The following MYH15 variants were observed in gnomAD, a reference collection of about 807,000 sequenced individuals.
MYH15 encodes the protein myosin-15.
A neutral mutation model predicts 240.5 loss-of-function variants in MYH15; 227 were observed. That is an observed-to-expected ratio of 0.94 (90% CI 0.85 to 1.05). The LOEUF (loss-of-function observed/expected upper bound fraction) is 1.05, where lower values mean the gene tolerates loss of function less well. MYH15 is among the 50% of genes least tolerant of loss of function. The pLI is 0.00. For missense variants in MYH15, 2,217 were observed against 2,247.5 expected (o/e 0.99, Z 0.27); for synonymous variants, 785 against 796.7 (o/e 0.99, Z 0.25).
intron 28 of MYH15, among the ~76,000 whole-genome samples, chr3:108,419,994 G>A (rs2082669158): frequency 6.6e-6 from 1 of 152,100 alleles, no homozygotes; most frequent in Admixed American, 6.5e-5. Context: ...TTGCAGGCAA[G>A]GTTAGGTTTA....
At chr3:108,420,265 G>A (rs2082671809) in intron 28 of MYH15, among the ~76,000 whole-genome samples, 1 of 152,164 alleles carries the variant, frequency 6.6e-6, no homozygotes, top group South Asian at 2.1e-4. Flanking sequence ...ATACATCAAT[G>A]AGCAAAGACC....
At chr3:108,456,703 C>G in intron 19 of MYH15, 63 bp downstream of exon 19, 2 of 1,231,600 alleles carry the variant, frequency 1.6e-6, no homozygotes, top group Non-Finnish European at 1.2e-6. Flanking sequence ...CCTAAACACT[C>G]GGAAAGGGAG....
chr3:108,506,440 A>G (rs2083476041), intron 1 of MYH15, among the ~76,000 whole-genome samples: 1 of 152,126 alleles, frequency 6.6e-6, no homozygotes, highest in Non-Finnish European at 1.5e-5. Context: ...CTCAGTTCCT[A>G]TACCCCATCC....
At position 108,500,133 on chromosome 3, in the gene MYH15, G is replaced by C. The variant is rs1003278469; in HGVS notation, c.481C>G (p.Gln161Glu). Residue 161 changes from glutamine (Q) to glutamate (E), a missense_variant, in exon 4 of 41, where the codon CAG becomes GAG. By Grantham distance (29) the Gln-to-Glu change is conservative. Coordinates refer to ENST00000693548, the MANE Select transcript of MYH15 (RefSeq NM_014981.3). ...HIFAVANNAF[Q>E]DMLHNRENQS... Reference sequence around the variant, plus strand: ...AGCTACTCACTGTGAAGCATGTCCTGAAAGGCGTTATTGGCAACAGCAAAG... The same window carrying C: ...AGCTACTCACTGTGAAGCATGTCCTCAAAGGCGTTATTGGCAACAGCAAAG... 2 of 1,613,550 alleles carry C rather than the reference G, an allele frequency of 1.2e-6. No homozygotes were observed. Among genetic ancestry groups the C allele is most frequent in the Non-Finnish European group, 1.7e-6 (2 of 1,179,860 alleles).
chr3:108,489,194 C>T (rs897831687), intron 9 of MYH15, among the ~76,000 whole-genome samples: 4 of 152,022 alleles, frequency 2.6e-5, no homozygotes, highest in Non-Finnish European at 4.4e-5. Flanking sequence ...AATATTTTTT[C>T]CTGTTCATTC....
chr3:108,450,305 G>A (rs1033672572), intron 21 of MYH15, among the ~76,000 whole-genome samples: 8 of 152,122 alleles, frequency 5.3e-5, no homozygotes, highest in African/African-American at 1.9e-4. Flanking sequence ...CAACCTAAGT[G>A]TTCATTGACA....
intron 18 of MYH15, among the ~76,000 whole-genome samples, chr3:108,457,397 T>C (rs563323443): frequency 5.0e-4 from 76 of 152,294 alleles, no homozygotes; most frequent in African/African-American, 1.8e-3. Flanking sequence ...CCAGACTTCA[T>C]TCTCCCCTTA....
intron 1 of MYH15, among the ~76,000 whole-genome samples, chr3:108,507,282 T>G (rs1190930642): frequency 1.7e-5 from 2 of 115,224 alleles, no homozygotes; most frequent in Non-Finnish European, 3.7e-5. Flanking sequence ...TATATACACA[T>G]ATGAAAATGA....
the MYH15 span, among the ~76,000 whole-genome samples, chr3:108,539,158 A>G: frequency 6.6e-6 from 1 of 152,238 alleles, no homozygotes; most frequent in South Asian, 2.1e-4. Flanking sequence ...AAGTTAATAT[A>G]CAAAAGTCAA....
chr3:108,392,582 T>C (rs2082429792), intron 36 of MYH15, among the ~76,000 whole-genome samples: 1 of 152,222 alleles, frequency 6.6e-6, no homozygotes, highest in Non-Finnish European at 1.5e-5. Flanking sequence ...CCCAAGCTTT[T>C]CTGTCTATCA....
intron 27 of MYH15, among the ~76,000 whole-genome samples, chr3:108,421,694 G>C (rs1442670534): frequency 6.6e-6 from 1 of 152,162 alleles, no homozygotes; most frequent in Non-Finnish European, 1.5e-5. Context: ...GGAAGGAAGA[G>C]AGGTAAGAAG....
intron 27 of MYH15, among the ~76,000 whole-genome samples, chr3:108,422,021 C>T (rs1021306207): frequency 3.3e-5 from 5 of 152,090 alleles, no homozygotes; most frequent in African/African-American, 1.2e-4. Context: ...GTTTTGAGAC[C>T]CAAGATCCTC....
chr3:108,456,851 A>T lies in MYH15; in HGVS notation c.2053T>A (p.Leu685Met), dbSNP rs1462527519. 1.2e-6 allele frequency: 2 copies of T among 1,613,498 alleles called. No homozygotes were observed. Among genetic ancestry groups the T allele is most frequent in the Non-Finnish European group, 1.7e-6 (2 of 1,179,512 alleles). ...ILDPYLVLQQ[L>M]RCNGVLEGTR... The stretch of plus-strand genomic sequence containing the variant: ...CCTTCCAAGACACCATTACAGCGCA[A>T]CTGCTGTAGAACCAAGTAAGGGTCC... The change falls in exon 19 of 41, where the codon TTG becomes ATG. Residue 685 changes from leucine (L) to methionine (M), a missense_variant. Physicochemically the swap from Leu to Met is conservative, Grantham distance 15. Transcript: ENST00000693548.
At chr3:108,529,506 C>T (rs28607992), upstream of MYH15, among the ~76,000 whole-genome samples, 2,922 of 152,224 alleles carry the variant, frequency 0.019, 106 homozygotes, top group African/African-American at 0.067. Flanking sequence ...GGCTATCTCG[C>T]TAAGGAGTTT....
chr3:108,448,527 A>G (rs576919675), intron 21 of MYH15, among the ~76,000 whole-genome samples: 1 of 152,206 alleles, frequency 6.6e-6, no homozygotes, highest in East Asian at 1.9e-4. Context: ...CTAATGAAAA[A>G]TGTGTCAGTT....
chr3:108,410,886 C>T lies in MYH15; in HGVS notation c.4192G>A (p.Val1398Met), dbSNP rs371195676. 36 of 1,608,834 alleles carry T rather than the reference C, an allele frequency of 2.2e-5. No individual in the cohort carries two copies. Among genetic ancestry groups the T allele is most frequent in the East Asian group, 1.6e-4 (7 of 44,714 alleles). The change falls in exon 31 of 41, where the codon GTG becomes ATG. Residue 1398 changes from valine to methionine, a missense_variant. Coordinates refer to ENST00000693548, the MANE Select transcript of MYH15 (RefSeq NM_014981.3). ...RLQEAAEAMGVANARNASLER... is the reference protein window; with the variant it reads ...RLQEAAEAMGMANARNASLER... ...AAGGAGGCATTTCTGGCATTGGCCACCCCCATGGCTTCGGCTGCCTCCTGC... is the reference window on the plus strand; with the variant it reads ...AAGGAGGCATTTCTGGCATTGGCCATCCCCATGGCTTCGGCTGCCTCCTGC...
At chr3:108,446,962 A>G (rs2082933597) in intron 21 of MYH15, among the ~76,000 whole-genome samples, 2 of 152,230 alleles carry the variant, frequency 1.3e-5, no homozygotes, top group Non-Finnish European at 2.9e-5. Context: ...GTGAGCTACA[A>G]GAGAACAACT....
At chr3:108,441,899 T>TC (rs949712461) in intron 22 of MYH15, among the ~76,000 whole-genome samples, 10 of 152,242 alleles carry the variant, frequency 6.6e-5, no homozygotes, top group African/African-American at 1.9e-4. Context: ...TGGTACTCTT[T>TC]CATTTATCCT....
intron 21 of MYH15, among the ~76,000 whole-genome samples, chr3:108,445,271 T>C (rs2082917798): frequency 6.6e-6 from 1 of 152,182 alleles, no homozygotes; most frequent in Non-Finnish European, 1.5e-5. Flanking sequence ...GTTTGTATTT[T>C]CATATTCACA....
Sources: allele counts gnomAD v4.1 joint callset (sites outside exome capture counted in the v4.1 genomes callset), GRCh38; gene constraint gnomAD v4.1.1; transcripts MANE v1.5; gene names NCBI Gene and HGNC (gene_info 2026-07-23, HGNC 2026-07-21).